Variants in NPLOC4 observed in about 807,000 individuals in gnomAD.
NPLOC4 encodes the protein NPL4 homolog, ubiquitin recognition factor, also known as nuclear protein localization protein 4 homolog.
NPLOC4 carries 18 observed loss-of-function variants against 80.6 expected under a neutral mutation model. The observed-to-expected ratio is 0.22, with a 90% CI of 0.15 to 0.33. NPLOC4 has a LOEUF of 0.33. Among genes scored for constraint, NPLOC4 ranks in the 10% least tolerant of loss-of-function variants. The probability of loss-of-function intolerance (pLI) is 1.00; values close to 1 mark genes in which losing one functional copy is unlikely to be tolerated. For missense variants in NPLOC4, 540 were observed against 786.1 expected (o/e 0.69, Z 3.74); for synonymous variants, 313 against 301.5 (o/e 1.04, Z -0.39).
rs952004748 is a variant in NPLOC4 at position 81,580,996 on chromosome 17, C to T, written c.1281+7948G>A. On this transcript the variant is annotated intron_variant, in intron 12 of 16. Transcript: ENST00000331134. The surrounding 1 kb of genome is among the most constrained non-coding windows in gnomAD (Gnocchi z 4.4). ...CCCAGTGGCCCTGGGCCAGCCCACC[C>T]GTGGGCTTATGCCCGTCAGACTATT... Among the ~76,000 whole-genome samples the T allele has an allele frequency of 7.9e-5, 12 of 152,236 alleles. No homozygotes were observed. The highest frequency in any genetic ancestry group is 2.1e-4 in the South Asian group (1 of 4,824).
At chr17:81,575,292 G>A (rs1183305578) in intron 12 of NPLOC4, among the ~76,000 whole-genome samples, 4 of 152,072 alleles carry the variant, frequency 2.6e-5, no homozygotes, top group Non-Finnish European at 4.4e-5. Flanking sequence ...TAGTAGAGAC[G>A]GGGTTTCACC....
At chr17:81,589,487 G>A (rs1416834180) in intron 11 of NPLOC4, among the ~76,000 whole-genome samples, 4 of 150,624 alleles carry the variant, frequency 2.7e-5, no homozygotes, top group South Asian at 2.1e-4. Context: ...GCAGTGAGCC[G>A]AGATTGTGCC....
chr17:81,595,839 C>T (rs549409134), intron 11 of NPLOC4, among the ~76,000 whole-genome samples: 71 of 152,076 alleles, frequency 4.7e-4, no homozygotes, highest in African/African-American at 7.2e-4. Flanking sequence ...CCACCACGCC[C>T]GGCCAAAAAA....
At chr17:81,631,034 G>A (rs551597393) in intron 1 of NPLOC4, among the ~76,000 whole-genome samples, 7 of 151,958 alleles carry the variant, frequency 4.6e-5, no homozygotes, top group South Asian at 4.2e-4. Flanking sequence ...TTAGCTGGGC[G>A]TGGTGGCGGG....
At chr17:81,597,106 C>G (rs971543633) in intron 10 of NPLOC4, 139 bp downstream of exon 10, 1 of 618,126 alleles carries the variant, frequency 1.6e-6, no homozygotes, top group African/African-American at 1.9e-5. Flanking sequence ...GAGCAAGACT[C>G]CGTCTCAAAA....
intron 8 of NPLOC4, among the ~76,000 whole-genome samples, 173 bp from the exon 9 acceptor site, chr17:81,600,600 C>T (rs2144197489): frequency 6.6e-6 from 1 of 152,194 alleles, no homozygotes; most frequent in Non-Finnish European, 1.5e-5. Context: ...GGCTTCTCTC[C>T]TTCTCGGGTT....
At chr17:81,625,241 G>A (rs6565609) in intron 2 of NPLOC4, among the ~76,000 whole-genome samples, 68,291 of 151,964 alleles carry the variant, frequency 0.45, 16,706 homozygotes, top group East Asian at 0.77. Flanking sequence ...CCTGTGCAGG[G>A]ACCATGAAAG....
intron 2 of NPLOC4, among the ~76,000 whole-genome samples, chr17:81,623,573 C>T (rs1312721675): frequency 4.0e-5 from 6 of 150,312 alleles, no homozygotes; most frequent in African/African-American, 1.2e-4. Flanking sequence ...CCGAGGCAGG[C>T]GGATCATGAG....
At chr17:81,622,348 A>G (rs2035692126) in intron 2 of NPLOC4, 70 bp from the exon 3 acceptor site, 1 of 1,056,582 alleles carries the variant, frequency 9.5e-7, no homozygotes, top group East Asian at 2.4e-5. Flanking sequence ...CATACACACC[A>G]GACACTACTA....
At chr17:81,613,833 C>T (rs557199870) in intron 3 of NPLOC4, among the ~76,000 whole-genome samples, 3 of 152,178 alleles carry the variant, frequency 2.0e-5, no homozygotes, top group Admixed American at 2.0e-4. Context: ...CTCTGCTTGG[C>T]CCCCACCTCC....
At chr17:81,606,859 T>C in intron 6 of NPLOC4, 45 bp from the exon 7 acceptor site, 1 of 1,579,744 alleles carries the variant, frequency 6.3e-7, no homozygotes, top group Non-Finnish European at 8.7e-7. Flanking sequence ...GGTGAAAAGT[T>C]GAGCAAGAGG....
intron 3 of NPLOC4, among the ~76,000 whole-genome samples, chr17:81,616,338 AG>A (rs2035487380): frequency 1.4e-5 from 2 of 144,704 alleles, no homozygotes; most frequent in Non-Finnish European, 3.0e-5. Context: ...AAAAAAAAAA[AG>A]AAAAGCAAAG....
chr17:81,616,959 C>G (rs112572666), intron 3 of NPLOC4, among the ~76,000 whole-genome samples: 7 of 152,222 alleles, frequency 4.6e-5, no homozygotes, highest in African/African-American at 1.7e-4. Flanking sequence ...GCACCAAAGT[C>G]AGTGGCTCTT....
intron 9 of NPLOC4, among the ~76,000 whole-genome samples, chr17:81,599,540 A>G (rs1345313637): frequency 6.6e-6 from 1 of 152,208 alleles, no homozygotes; most frequent in Non-Finnish European, 1.5e-5. Context: ...TGACACTACT[A>G]GGTTTTAAGT....
At chr17:81,613,658 T>C (rs1484912110) in intron 3 of NPLOC4, among the ~76,000 whole-genome samples, 164 bp from the exon 4 acceptor site, 3 of 152,202 alleles carry the variant, frequency 2.0e-5, no homozygotes, top group African/African-American at 7.2e-5. Context: ...ATCTCCCCTA[T>C]GTTTCCTGGC....
intron 10 of NPLOC4, among the ~76,000 whole-genome samples, chr17:81,596,710 C>T (rs542926086): frequency 2.6e-5 from 4 of 152,350 alleles, no homozygotes; most frequent in Middle Eastern, 3.4e-3. Context: ...CAAACCACCC[C>T]GCCATGGGCT....
chr17:81,565,437 G>T, intron 16 of NPLOC4, 68 bp downstream of exon 16: 1 of 1,289,440 alleles, frequency 7.8e-7, no homozygotes, highest in Non-Finnish European at 1.1e-6. Context: ...GCAGTGGGGA[G>T]CTGTGCAGAG....
Position 81,567,526 on chromosome 17 carries a change from T to C in NPLOC4, c.1457A>G (p.His486Arg), listed in dbSNP as rs763647002. 1.9e-6 allele frequency: 3 copies of C among 1,599,490 alleles called. No individual in the cohort carries two copies. Among genetic ancestry groups the C allele is most frequent in the Non-Finnish European group, 2.6e-6 (3 of 1,167,310 alleles). The change falls in exon 15 of 17, where the codon CAT becomes CGT. Residue 486 changes from histidine (H) to arginine (R), a missense_variant. Physicochemically the swap from His to Arg is conservative, Grantham distance 29. Transcript: ENST00000331134. This position sits in a 1 kb window ranked among gnomAD's most constrained non-coding sequence, Gnocchi z 4.5. The part of the protein sequence containing the change: ...RDVLGETQDF[H>R]SLATYLSQNT... ...CTGAGACAAATAGGTGGCCAAGCTA[T>C]GGAAGTCCTAGAGGAATGGGAATAA...
At chr17:81,616,537 T>C (rs931178365) in intron 3 of NPLOC4, among the ~76,000 whole-genome samples, 1 of 151,626 alleles carries the variant, frequency 6.6e-6, no homozygotes, top group African/African-American at 2.4e-5. Context: ...GAGACGATCC[T>C]GGCTAACACG....
Sources: allele counts gnomAD v4.1 joint callset (sites outside exome capture counted in the v4.1 genomes callset), GRCh38; gene constraint gnomAD v4.1.1; non-coding constraint Gnocchi (gnomAD v3.1); transcripts MANE v1.5; gene names NCBI Gene and HGNC (gene_info 2026-07-23, HGNC 2026-07-21).